The following NGEF variants were observed in gnomAD, a reference collection of about 807,000 sequenced individuals.
NGEF encodes the protein neuronal guanine nucleotide exchange factor.
A neutral mutation model predicts 80.9 loss-of-function variants in NGEF; 31 were observed. The observed-to-expected ratio is 0.38, with a 90% CI of 0.29 to 0.52. The LOEUF (loss-of-function observed/expected upper bound fraction) is 0.52, where lower values mean the gene tolerates loss of function less well. Among genes scored for constraint, NGEF ranks in the 20% least tolerant of loss-of-function variants. The probability of loss-of-function intolerance (pLI) is 0.84; values close to 1 mark genes in which losing one functional copy is unlikely to be tolerated. For synonymous variants in NGEF, 371 were observed against 370.2 expected, an observed-to-expected ratio of 1.00 and a Z score of -0.03; for missense variants, 709 against 926.2, an observed-to-expected ratio of 0.77 and a Z score of 3.04.
chr2:232,901,247 G>T, intron 5 of NGEF: 2 of 454,354 alleles, frequency 4.4e-6, no homozygotes, highest in Non-Finnish European at 5.8e-6. Context: ...TGGCCGGCCG[G>T]GACTACAGTG....
intron 5 of NGEF, among the ~76,000 whole-genome samples, chr2:232,900,998 A>C (rs1366202056): frequency 6.6e-6 from 1 of 152,234 alleles, no homozygotes; most frequent in Non-Finnish European, 1.5e-5. Context: ...ACCCTGTTCA[A>C]GTCACACATT....
At chr2:232,927,685 G>C (rs1020587656) in intron 3 of NGEF, among the ~76,000 whole-genome samples, 1 of 152,020 alleles carries the variant, frequency 6.6e-6, no homozygotes, top group African/African-American at 2.4e-5. Context: ...GGCAGGGACC[G>C]GGGTCCCAGG....
intron 3 of NGEF, among the ~76,000 whole-genome samples, chr2:232,933,382 C>A (rs949314185): frequency 2.0e-5 from 3 of 152,130 alleles, no homozygotes; most frequent in Non-Finnish European, 4.4e-5. Flanking sequence ...GCGCTGGCCT[C>A]CGTGTCTGTA....
chr2:232,975,006 C>T (rs1010942189), intron 1 of NGEF, 42 bp from the exon 2 acceptor site: 1 of 993,888 alleles, frequency 1.0e-6, no homozygotes, highest in Non-Finnish European at 1.5e-6. Flanking sequence ...AGTCATCAGG[C>T]TAAGTATTCT....
chr2:232,983,222 G>C (rs568790578), intron 1 of NGEF, among the ~76,000 whole-genome samples: 2 of 151,036 alleles, frequency 1.3e-5, no homozygotes, highest in East Asian at 3.9e-4. Context: ...GGCTGGAGAA[G>C]GGAAACTTGG....
chr2:232,883,194 G>A (rs1329434973), intron 12 of NGEF, 117 bp downstream of exon 12: 13 of 1,267,860 alleles, frequency 1.0e-5, no homozygotes, highest in South Asian at 6.2e-5. Flanking sequence ...TGGGCAGGTC[G>A]GCTCCACACA....
At chr2:232,891,934 G>A (rs551148919) in intron 7 of NGEF, among the ~76,000 whole-genome samples, 21 of 152,254 alleles carry the variant, frequency 1.4e-4, no homozygotes, top group Non-Finnish European at 2.9e-4. Flanking sequence ...TGGGAGAGCT[G>A]GAGGTGAGCT....
intron 3 of NGEF, among the ~76,000 whole-genome samples, chr2:232,951,775 C>T (rs1693683491): frequency 6.6e-6 from 1 of 152,164 alleles, no homozygotes; most frequent in African/African-American, 2.4e-5. Flanking sequence ...TGTTTAGGAG[C>T]AAAACCAGTA....
intron 3 of NGEF, among the ~76,000 whole-genome samples, chr2:232,949,709 C>G (rs1311401746): frequency 1.3e-5 from 2 of 150,794 alleles, no homozygotes; most frequent in Non-Finnish European, 2.9e-5. Context: ...GAACTCCTGA[C>G]CTCAGGTGAT....
At chr2:232,898,683 C>T (rs747181604) in intron 5 of NGEF, among the ~76,000 whole-genome samples, 3 of 152,374 alleles carry the variant, frequency 2.0e-5, no homozygotes, top group East Asian at 3.9e-4. Flanking sequence ...TTCGTTCCTT[C>T]GTTCCACAAA....
chr2:232,896,091 G>A (rs1376463184), intron 5 of NGEF, among the ~76,000 whole-genome samples: 1 of 152,134 alleles, frequency 6.6e-6, no homozygotes, highest in Non-Finnish European at 1.5e-5. Context: ...CTTCCCAGGA[G>A]GGACAGCAGA....
chr2:232,902,694 A>T (rs1250819104), intron 5 of NGEF, among the ~76,000 whole-genome samples: 3 of 152,256 alleles, frequency 2.0e-5, no homozygotes, highest in Non-Finnish European at 4.4e-5. Context: ...ATGGCAAGAG[A>T]AATGTTATGT....
chr2:232,973,253 T>C, intron 2 of NGEF, among the ~76,000 whole-genome samples: 1 of 152,244 alleles, frequency 6.6e-6, no homozygotes, highest in East Asian at 1.9e-4. Context: ...TGTGTGAGAA[T>C]GTGCTTTTAA....
rs397988249 is a variant in NGEF, at chr2:232,932,163, C to CTTTTTT, written c.384-4983_384-4978dup. Among the ~76,000 whole-genome samples the CTTTTTT allele has an allele frequency of 3.8e-3, 440 of 115,536 alleles. 10 individuals carry two copies. The highest frequency in any genetic ancestry group is 4.6e-3 in the Non-Finnish European group (269 of 58,794). 75.8% of individuals were successfully genotyped at this position (115,536 alleles called of 152,430 possible). On this transcript the variant is annotated intron_variant, in intron 3 of 14. Transcript: ENST00000264051. ...ATGAGTTCTCTCCAGAATCACCTTT[C>CTTTTTT]TTTTTTTTTTTTTTTTTTTGAGACA...
rs559874527 is a variant in NGEF, at chr2:232,893,286, T to G, written c.990-236A>C. ...TGGTGCTGGGAGCACCAAGAGACCTTATCTTTCAGGTATGTGCTGATGTGT... is the reference window on the plus strand; with the variant it reads ...TGGTGCTGGGAGCACCAAGAGACCTGATCTTTCAGGTATGTGCTGATGTGT... On this transcript the variant is annotated intron_variant, in intron 6 of 14. Transcript: ENST00000264051. Among the ~76,000 whole-genome samples the G allele has an allele frequency of 1.2e-3, 182 of 152,328 alleles. 1 individual carries two copies. Among genetic ancestry groups the G allele is most frequent in the African/African-American group, 4.1e-3 (171 of 41,570 alleles).
chr2:232,955,857 C>T (rs1000600745), intron 3 of NGEF, among the ~76,000 whole-genome samples: 2 of 152,184 alleles, frequency 1.3e-5, no homozygotes, highest in Admixed American at 6.5e-5. Context: ...GTGAAGATTT[C>T]AGACCAATAT....
chr2:232,994,771 G>A (rs1694743040), intron 1 of NGEF, among the ~76,000 whole-genome samples: 1 of 152,034 alleles, frequency 6.6e-6, no homozygotes, highest in Non-Finnish European at 1.5e-5. Context: ...GTTGCACACT[G>A]CTGGCACTCA....
intron 4 of NGEF, among the ~76,000 whole-genome samples, chr2:232,924,516 A>G (rs557954025): frequency 6.6e-6 from 1 of 152,288 alleles, no homozygotes; most frequent in African/African-American, 2.4e-5. Flanking sequence ...GTAAGGGCAC[A>G]TCTTCTAAAG....
In NGEF at chr2:232,892,815, C is replaced by T. The variant is rs1022979393; in HGVS notation, c.1142+83G>A. ...GAGGTAAAGGACCATGAAGTGTCAC[C>T]GTGTAAGGAGCCTGGGCCAGCACTG... is the stretch of plus-strand genomic sequence containing the variant. On this transcript the variant is annotated intron_variant, in intron 7 of 14. Coordinates refer to ENST00000264051, the MANE Select transcript of NGEF (RefSeq NM_019850.3). This position sits in a 1 kb window ranked among gnomAD's most constrained non-coding sequence, Gnocchi z 4.0. The T allele has an allele frequency of 2.4e-5, 35 of 1,442,522 alleles. No individual in the cohort carries two copies. Among genetic ancestry groups the T allele is most frequent in the Non-Finnish European group, 1.7e-5 (18 of 1,047,056 alleles). The allele number at this position is 1,442,522 out of a possible 1,614,324, so 89.4% of individuals were successfully genotyped here.
Sources: gnomAD v4.1 joint callset for allele counts (sites outside exome capture counted in the v4.1 genomes callset) on GRCh38, gnomAD v4.1.1 for gene constraint, Gnocchi (gnomAD v3.1) non-coding constraint, MANE v1.5 for transcripts, NCBI Gene and HGNC (gene_info 2026-07-23, HGNC 2026-07-21) for gene names.